The following PELI2 variants were observed in gnomAD, a reference collection of about 807,000 sequenced individuals.
The protein encoded by PELI2 is E3 ubiquitin-protein ligase pellino homolog 2.
Under a neutral mutation model 42.3 loss-of-function variants are expected in PELI2, and 23 were observed. That is an observed-to-expected ratio of 0.54 (90% CI 0.39 to 0.77). PELI2 has a LOEUF of 0.77. Ranked by LOEUF, PELI2 falls within the 30% of genes least tolerant of loss-of-function variation. The probability of loss-of-function intolerance (pLI) is 0.00; values close to 1 mark genes in which losing one functional copy is unlikely to be tolerated. For missense variants in PELI2, 463 were observed against 553.2 expected (o/e 0.84, Z 1.64); for synonymous variants, 245 against 212.2 (o/e 1.15, Z -1.34).
intron 1 of PELI2, among the ~76,000 whole-genome samples, chr14:56,149,074 C>A (rs1342708417): frequency 6.6e-6 from 1 of 152,156 alleles, no homozygotes; most frequent in Non-Finnish European, 1.5e-5. Flanking sequence ...TCCAAGCTCT[C>A]ATGCTAAGAA....
At chr14:56,249,267 G>A (rs1172973360) in intron 2 of PELI2, among the ~76,000 whole-genome samples, 1 of 152,114 alleles carries the variant, frequency 6.6e-6, no homozygotes. Context: ...GAGAAGAAAA[G>A]TAAGGCCCTG....
At chr14:56,271,414 G>A (rs1468200698) in intron 2 of PELI2, among the ~76,000 whole-genome samples, 1 of 152,136 alleles carries the variant, frequency 6.6e-6, no homozygotes, top group East Asian at 1.9e-4. Flanking sequence ...GACATAGAAA[G>A]TTTGTATTTC....
At position 56,118,690 on chromosome 14, in the gene PELI2, C is replaced by T; in HGVS notation, c.30C>T (p.Cys10=). 3.3e-6 allele frequency: 5 copies of T among 1,517,790 alleles called. No homozygotes were observed. The highest frequency in any genetic ancestry group is 2.7e-5 in the East Asian group (1 of 36,438). The allele number at this position is 1,517,790 out of a possible 1,614,324, so 94.0% of individuals were successfully genotyped here. A position where few individuals can be genotyped will look rare whatever the true frequency, so the allele number is the denominator to read the frequency against. MFSPGQEEH[C]APNKEPVKYG... ...TTTCCCCTGGCCAGGAGGAACACTG[C>T]GCCCCCAATAAGGAGCCAGTGAAAT... is the stretch of plus-strand genomic sequence containing the variant. Residue 10 remains cysteine (C), a synonymous_variant, in exon 1 of 6, where the codon TGC becomes TGT. Coordinates refer to ENST00000267460, the MANE Select transcript of PELI2 (RefSeq NM_021255.3).
intron 1 of PELI2, among the ~76,000 whole-genome samples, chr14:56,140,018 C>A (rs182676547): frequency 1.4e-5 from 2 of 138,924 alleles, no homozygotes; most frequent in Non-Finnish European, 3.1e-5. Flanking sequence ...TGGACCTTTC[C>A]TCCTTCCCCC....
chr14:56,204,204 G>A (rs369993124), intron 2 of PELI2, among the ~76,000 whole-genome samples: 1 of 152,238 alleles, frequency 6.6e-6, no homozygotes, highest in African/African-American at 2.4e-5. Context: ...AGATCTCAAA[G>A]TTGGTGAATA....
chr14:56,133,895 A>G (rs1392264481), intron 1 of PELI2, among the ~76,000 whole-genome samples: 1 of 152,210 alleles, frequency 6.6e-6, no homozygotes, highest in Admixed American at 6.5e-5. Flanking sequence ...GAGGGTCAGA[A>G]TGGATTGGAA....
intron 2 of PELI2, among the ~76,000 whole-genome samples, chr14:56,260,926 A>G (rs908697907): frequency 1.3e-5 from 2 of 152,190 alleles, no homozygotes; most frequent in Admixed American, 1.3e-4. Flanking sequence ...GAAAATCAGA[A>G]TGAGTGAGAG....
At chr14:56,189,225 C>G (rs1885875330) in intron 2 of PELI2, among the ~76,000 whole-genome samples, 1 of 152,160 alleles carries the variant, frequency 6.6e-6, no homozygotes, top group African/African-American at 2.4e-5. Context: ...ACAGTAACAA[C>G]TCTGAAATCT....
rs772737910 is a variant in PELI2 at position 56,296,633 on chromosome 14, T to A, written c.730T>A (p.Ser244Thr). 11 of 1,610,634 alleles carry A rather than the reference T, an allele frequency of 6.8e-6. No homozygotes were observed. The South Asian group carries it at 1.2e-4, about 18-fold the overall frequency. The change falls in exon 6 of 6, where the codon TCC becomes ACC. Residue 244 changes from serine (S) to threonine (T), a missense_variant. Coordinates refer to ENST00000267460, the MANE Select transcript of PELI2 (RefSeq NM_021255.3). ...ESETNVLQDG[S>T]LIDLCGATLL... The stretch of plus-strand genomic sequence containing the variant: ...TGAGACCAACGTCCTGCAGGACGGC[T>A]CCCTCATTGACCTGTGTGGGGCCAC...
chr14:56,221,850 A>C (rs2139750721), intron 2 of PELI2, among the ~76,000 whole-genome samples: 1 of 152,320 alleles, frequency 6.6e-6, no homozygotes, highest in Admixed American at 6.5e-5. Context: ...AAGAGGGATA[A>C]CAACCCTCAA....
intron 2 of PELI2, among the ~76,000 whole-genome samples, chr14:56,262,403 C>G (rs1303623314): frequency 1.3e-5 from 2 of 152,112 alleles, no homozygotes; most frequent in Non-Finnish European, 2.9e-5. Context: ...TTTGACTTTT[C>G]CTGTTGATTG....
intron 2 of PELI2, among the ~76,000 whole-genome samples, chr14:56,257,949 C>T (rs1594690975): frequency 6.6e-6 from 1 of 152,280 alleles, no homozygotes; most frequent in East Asian, 1.9e-4. Context: ...ACTCTCTGAG[C>T]CCTTGGTCAG....
rs142361479 is a variant in PELI2 at position 56,239,433 on chromosome 14, T to C, written c.208-40243T>C. Among the ~76,000 whole-genome samples, 684 of 152,346 alleles carry C rather than the reference T, an allele frequency of 4.5e-3. 5 individuals are homozygous for C. The highest frequency in any genetic ancestry group is 0.015 in the African/African-American group (633 of 41,578). ...TGAGTTTGATAGTCCTACCAACATA[T>C]GAGAACTGATTTTTTAGAGTAAGTA... On this transcript the variant is annotated intron_variant, in intron 2 of 5. Transcript: ENST00000267460.
intron 2 of PELI2, among the ~76,000 whole-genome samples, chr14:56,271,813 T>C (rs1046874754): frequency 6.6e-5 from 10 of 152,214 alleles, no homozygotes; most frequent in African/African-American, 2.4e-4. Context: ...AGAGAACCTC[T>C]GACTTCTTCA....
chr14:56,291,298 A>G (rs190076167), intron 5 of PELI2, among the ~76,000 whole-genome samples: 9 of 152,306 alleles, frequency 5.9e-5, no homozygotes, highest in African/African-American at 1.7e-4. Flanking sequence ...AGAGGATTTG[A>G]CCTAGCACTT....
intron 2 of PELI2, among the ~76,000 whole-genome samples, chr14:56,271,586 T>C (rs192837502): frequency 2.2e-4 from 34 of 152,346 alleles, no homozygotes; most frequent in Admixed American, 1.8e-3. Context: ...GAAAATAAAC[T>C]TGCCTAAAAC....
At chr14:56,229,195 A>T (rs1023819422) in intron 2 of PELI2, among the ~76,000 whole-genome samples, 6 of 152,216 alleles carry the variant, frequency 3.9e-5, no homozygotes, top group Non-Finnish European at 5.9e-5. Flanking sequence ...AGGCAGCAGA[A>T]GCTTTTGCAG....
At chr14:56,181,772 G>C (rs138895234) in intron 2 of PELI2, among the ~76,000 whole-genome samples, 1 of 152,150 alleles carries the variant, frequency 6.6e-6, no homozygotes, top group African/African-American at 2.4e-5. Context: ...ATCTCTATTT[G>C]TGTAGTGTTT....
At chr14:56,150,670 G>A (rs1201200146) in intron 1 of PELI2, among the ~76,000 whole-genome samples, 1 of 152,198 alleles carries the variant, frequency 6.6e-6, no homozygotes, top group Non-Finnish European at 1.5e-5. Flanking sequence ...AGGGCTGTCA[G>A]CTAGAAAAGT....
Sources: allele counts gnomAD v4.1 joint callset (sites outside exome capture counted in the v4.1 genomes callset), GRCh38; gene constraint gnomAD v4.1.1; transcripts MANE v1.5; gene names NCBI Gene and HGNC (gene_info 2026-07-23, HGNC 2026-07-21).